The following ZMIZ1 variants were observed in gnomAD, a reference collection of about 807,000 sequenced individuals.
The protein encoded by ZMIZ1 is zinc finger MIZ-type containing 1, also known as zinc finger MIZ domain-containing protein 1.
In ZMIZ1, 17 loss-of-function variants were observed where a neutral mutation model predicts 113.9. The ratio of observed to expected loss-of-function variants is 0.15; its 90% CI spans 0.10 to 0.22. The LOEUF (loss-of-function observed/expected upper bound fraction) is 0.22. ZMIZ1 is among the 10% of genes least tolerant of loss of function. ZMIZ1 has a pLI of 1.00. For synonymous variants in ZMIZ1, 607 were observed against 603.1 expected (o/e 1.01, Z -0.09); for missense variants, 1,059 against 1,477.8 (o/e 0.72, Z 4.65).
chr10:79,249,525 G>A (rs1850416022), intron 7 of ZMIZ1, among the ~76,000 whole-genome samples: 1 of 152,238 alleles, frequency 6.6e-6, no homozygotes, highest in African/African-American at 2.4e-5. Context: ...AGGGGTGCCT[G>A]CCTTTCTTGA....
intron 4 of ZMIZ1, among the ~76,000 whole-genome samples, chr10:79,176,153 G>A (rs977205307): frequency 6.6e-6 from 1 of 151,984 alleles, no homozygotes; most frequent in African/African-American, 2.4e-5. Flanking sequence ...AGGCCCAACG[G>A]GCCAGGATGA....
Position 79,162,038 on chromosome 10 carries a change from C to T in ZMIZ1, c.-130-15C>T, listed in dbSNP as rs966186380. ...TACTGTGGGTAGACCCGCTGACCTC[C>T]CACTTTCATTGCAGCAGGATGGAGC... On this transcript the variant is annotated splice_polypyrimidine_tract_variant and intron_variant, in intron 3 of 24. Coordinates refer to ENST00000334512, the MANE Select transcript of ZMIZ1 (RefSeq NM_020338.4). The T allele has an allele frequency of 2.5e-6, 1 of 399,156 alleles. No homozygotes were observed. The highest frequency in any genetic ancestry group is 4.4e-6 in the Non-Finnish European group (1 of 226,148). 24.7% of individuals were successfully genotyped at this position (399,156 alleles called of 1,614,324 possible). A position where few individuals can be genotyped will look rare whatever the true frequency, so the allele number is the denominator to read the frequency against.
intron 1 of ZMIZ1, among the ~76,000 whole-genome samples, chr10:79,087,726 T>C (rs1842861254): frequency 6.6e-6 from 1 of 152,236 alleles, no homozygotes; most frequent in African/African-American, 2.4e-5. Flanking sequence ...AGATGAACTT[T>C]CACTTGTGTG....
At chr10:79,161,317 C>G (rs996571750) in intron 3 of ZMIZ1, among the ~76,000 whole-genome samples, 6 of 152,356 alleles carry the variant, frequency 3.9e-5, no homozygotes, top group African/African-American at 1.4e-4. Flanking sequence ...TCACATCCCT[C>G]AGCTGCCCAG....
intron 16 of ZMIZ1, among the ~76,000 whole-genome samples, chr10:79,299,922 A>G (rs772293160): frequency 1.3e-5 from 2 of 152,124 alleles, no homozygotes; most frequent in African/African-American, 4.8e-5. Flanking sequence ...GTCAAGACTC[A>G]CAGTCTCACT....
intron 7 of ZMIZ1, among the ~76,000 whole-genome samples, chr10:79,272,122 T>C (rs965889095): frequency 5.3e-5 from 8 of 151,814 alleles, no homozygotes; most frequent in South Asian, 2.1e-4. Flanking sequence ...TATATATATA[T>C]ACACACACAC....
chr10:79,288,561 G>C (rs1310839407), intron 8 of ZMIZ1, among the ~76,000 whole-genome samples: 1 of 152,142 alleles, frequency 6.6e-6, no homozygotes, highest in African/African-American at 2.4e-5. Flanking sequence ...CTGTGCCCTG[G>C]GTAGAGGCAG....
intron 4 of ZMIZ1, among the ~76,000 whole-genome samples, chr10:79,163,767 C>T (rs1272090303): frequency 2.6e-5 from 4 of 152,242 alleles, no homozygotes; most frequent in African/African-American, 7.2e-5. Context: ...TTGCCCAGCC[C>T]GCCAAGTCCG....
At chr10:79,110,452 C>T (rs865789907) in intron 1 of ZMIZ1, among the ~76,000 whole-genome samples, 2 of 152,158 alleles carry the variant, frequency 1.3e-5, no homozygotes, top group Non-Finnish European at 1.5e-5. Context: ...GATGTCCATC[C>T]GTCCCACCGA....
At chr10:79,216,382 A>C (rs1165597649) in intron 7 of ZMIZ1, 108 bp downstream of exon 7, 1 of 982,646 alleles carries the variant, frequency 1.0e-6, no homozygotes, top group Non-Finnish European at 1.5e-6. Flanking sequence ...CCATTTGTCT[A>C]GGTGTAGTGC....
intron 1 of ZMIZ1, among the ~76,000 whole-genome samples, chr10:79,086,128 C>G (rs1842804785): frequency 6.6e-6 from 1 of 152,184 alleles, no homozygotes; most frequent in Admixed American, 6.5e-5. Flanking sequence ...TGGGTCTCAC[C>G]TCAACTCACA....
intron 4 of ZMIZ1, among the ~76,000 whole-genome samples, chr10:79,187,198 G>A (rs894377935): frequency 1.9e-4 from 29 of 152,140 alleles, no homozygotes; most frequent in African/African-American, 6.8e-4. Context: ...ATCTCACCCC[G>A]TCCCCACTTC....
chr10:79,251,196 A>G (rs1479506317), intron 7 of ZMIZ1, among the ~76,000 whole-genome samples: 1 of 151,814 alleles, frequency 6.6e-6, no homozygotes, highest in Non-Finnish European at 1.5e-5. Flanking sequence ...CTTGCTCCCT[A>G]CGTCTGTCCC....
chr10:79,245,327 C>A (rs529369891), intron 7 of ZMIZ1, among the ~76,000 whole-genome samples: 13 of 152,266 alleles, frequency 8.5e-5, no homozygotes, highest in African/African-American at 3.1e-4. Flanking sequence ...ATGTAGGAGG[C>A]CAGGCCTGGC....
intron 7 of ZMIZ1, among the ~76,000 whole-genome samples, chr10:79,269,168 C>T (rs904617502): frequency 3.9e-5 from 6 of 152,150 alleles, no homozygotes; most frequent in Non-Finnish European, 8.8e-5. Flanking sequence ...CCCAGTCTCC[C>T]CCGCTGCGGA....
intron 4 of ZMIZ1, among the ~76,000 whole-genome samples, chr10:79,192,236 G>A (rs748865370): frequency 1.3e-5 from 2 of 152,256 alleles, no homozygotes; most frequent in Non-Finnish European, 2.9e-5. Flanking sequence ...GCCCTGTGTG[G>A]GTTGGGTCAG....
chr10:79,115,394 C>G (rs1332174306), intron 1 of ZMIZ1, among the ~76,000 whole-genome samples: 2 of 152,202 alleles, frequency 1.3e-5, no homozygotes, highest in Non-Finnish European at 2.9e-5. Context: ...AAGGAGCTTC[C>G]TCTCTTAGCA....
chr10:79,168,876 A>G (rs529348262), intron 4 of ZMIZ1, among the ~76,000 whole-genome samples: 26 of 152,312 alleles, frequency 1.7e-4, no homozygotes, highest in African/African-American at 6.3e-4. Flanking sequence ...TAGAGCCCCC[A>G]GGGAGCTGAC....
chr10:79,130,798 T>C (rs757590939), intron 2 of ZMIZ1, among the ~76,000 whole-genome samples: 5 of 152,164 alleles, frequency 3.3e-5, no homozygotes, highest in South Asian at 2.1e-4. Context: ...GTGACACTTA[T>C]GAAGTGTTTG....
Sources: allele counts gnomAD v4.1 joint callset (sites outside exome capture counted in the v4.1 genomes callset), GRCh38; gene constraint gnomAD v4.1.1; transcripts MANE v1.5; gene names NCBI Gene and HGNC (gene_info 2026-07-23, HGNC 2026-07-21).